RAP1GAP2: variants seen among roughly 807,000 people sequenced by gnomAD.
The protein encoded by RAP1GAP2 is rap1 GTPase-activating protein 2.
In RAP1GAP2, 27 loss-of-function variants were observed where a neutral mutation model predicts 95.0. That is an observed-to-expected ratio of 0.28 (90% CI 0.21 to 0.39). The LOEUF (loss-of-function observed/expected upper bound fraction) is 0.39. Ranked by LOEUF, RAP1GAP2 falls within the 10% of genes least tolerant of loss-of-function variation. RAP1GAP2 has a pLI of 1.00. For missense variants in RAP1GAP2, 771 were observed against 970.0 expected, an observed-to-expected ratio of 0.79 and a Z score of 2.72; for synonymous variants, 373 against 380.9, an observed-to-expected ratio of 0.98 and a Z score of 0.24.
chr17:2,850,157 C>G (rs1336749559), intron 2 of RAP1GAP2, among the ~76,000 whole-genome samples: 1 of 151,568 alleles, frequency 6.6e-6, no homozygotes, highest in Non-Finnish European at 1.5e-5. Context: ...CCCGCCACCA[C>G]GCCCGGCTAA....
intron 3 of RAP1GAP2, among the ~76,000 whole-genome samples, chr17:2,921,169 T>G (rs558473778): frequency 6.6e-6 from 1 of 152,240 alleles, no homozygotes; most frequent in African/African-American, 2.4e-5. Context: ...ACTTGATGGG[T>G]TGAAATAAAA....
intron 8 of RAP1GAP2, among the ~76,000 whole-genome samples, chr17:2,974,597 A>AT (rs5818884): frequency 2.3e-3 from 340 of 149,986 alleles, no homozygotes; most frequent in Middle Eastern, 6.9e-3. Flanking sequence ...AAAAAGTGGG[A>AT]TTTTTTTTTT....
rs1397136158 is a variant in RAP1GAP2, at chr17:3,035,694, TC to T, written c.*2335del. 2 of 152,332 alleles carry T rather than the reference TC, an allele frequency of 1.3e-5. No homozygotes were observed. The highest frequency in any genetic ancestry group is 2.9e-5 in the Non-Finnish European group (2 of 68,158). 9.4% of individuals were successfully genotyped at this position (152,332 alleles called of 1,614,324 possible). ...TCCTGTGGCTTCCAGAGTGTGCACT[TC>T]CAGCCCACCCGGGCAGTGCTGAGAG... On this transcript the variant is annotated 3_prime_UTR_variant, in exon 25 of 25. Coordinates refer to ENST00000254695, the MANE Select transcript of RAP1GAP2 (RefSeq NM_015085.5). This position sits in a 1 kb window ranked among gnomAD's most constrained non-coding sequence, Gnocchi z 4.3.
At chr17:2,839,092 C>G (rs1386946943) in intron 2 of RAP1GAP2, among the ~76,000 whole-genome samples, 3 of 152,028 alleles carry the variant, frequency 2.0e-5, no homozygotes, top group Non-Finnish European at 4.4e-5. Context: ...CACTTAAGGT[C>G]AGAAGTTTGA....
At chr17:2,804,637 C>T (rs2069438777) in intron 2 of RAP1GAP2, among the ~76,000 whole-genome samples, 1 of 152,208 alleles carries the variant, frequency 6.6e-6, no homozygotes, top group African/African-American at 2.4e-5. Flanking sequence ...TTTGCTGGGG[C>T]CCATCCCCTT....
intron 19 of RAP1GAP2, 30 bp from the exon 20 acceptor site, chr17:3,025,978 C>T (rs370549143): frequency 9.2e-5 from 140 of 1,524,070 alleles, no homozygotes; most frequent in African/African-American, 2.3e-4. Context: ...GCTGTCTCCG[C>T]GGCCTCACTC....
In RAP1GAP2 at chr17:2,848,846, C is replaced by G. The variant is rs1029310033; in HGVS notation, c.80+48296C>G. ...CACTTTTCAAAAATAGAAACTGCTT[C>G]CCGACCTCAGATGACTTCAATCTTT... On this transcript the variant is annotated intron_variant, in intron 2 of 24. Transcript: ENST00000254695. 2.6e-5 allele frequency among the ~76,000 whole-genome samples: 4 copies of G among 152,142 alleles called. No homozygotes were observed. The East Asian group carries it at 7.7e-4, about 29-fold the overall frequency.
chr17:2,876,850 G>T (rs1438805571), intron 2 of RAP1GAP2, among the ~76,000 whole-genome samples: 1 of 151,138 alleles, frequency 6.6e-6, no homozygotes, highest in African/African-American at 2.4e-5. Flanking sequence ...TCATCAGTTG[G>T]TTGGGGGCCT....
intron 2 of RAP1GAP2, among the ~76,000 whole-genome samples, chr17:2,858,691 A>G (rs1455877143): frequency 2.6e-5 from 4 of 152,114 alleles, no homozygotes; most frequent in Non-Finnish European, 1.5e-5. Context: ...GAGGATCACC[A>G]CTGGAGCCCA....
At chr17:2,890,892 G>T (rs2073690764) in intron 2 of RAP1GAP2, among the ~76,000 whole-genome samples, 1 of 151,502 alleles carries the variant, frequency 6.6e-6, no homozygotes, top group Non-Finnish European at 1.5e-5. Flanking sequence ...CACTGTGTTA[G>T]TCAGGATGGT....
intron 2 of RAP1GAP2, among the ~76,000 whole-genome samples, chr17:2,800,835 T>TTTTC (rs139546870): frequency 3.6e-5 from 5 of 139,076 alleles, no homozygotes; most frequent in East Asian, 2.1e-4. Context: ...TTCTTTTTCT[T>TTTTC]TTTCTTTCTT....
chr17:2,888,504 G>A (rs1479575942), intron 2 of RAP1GAP2, among the ~76,000 whole-genome samples: 1 of 152,096 alleles, frequency 6.6e-6, no homozygotes, highest in Non-Finnish European at 1.5e-5. Flanking sequence ...ACGTTTGCAT[G>A]AGAACCCACA....
chr17:2,913,440 C>T (rs948121287), intron 3 of RAP1GAP2, among the ~76,000 whole-genome samples: 2 of 152,012 alleles, frequency 1.3e-5, no homozygotes, highest in South Asian at 2.1e-4. Flanking sequence ...AGGCACACGC[C>T]ACCATGCCCA....
intron 3 of RAP1GAP2, among the ~76,000 whole-genome samples, chr17:2,950,061 C>CTTCTTCTTCTTCTTCTTTT (rs1555575129): frequency 7.1e-6 from 1 of 141,260 alleles, no homozygotes; most frequent in African/African-American, 2.7e-5. Flanking sequence ...TCTTCTTCTT[C>CTTCTTCTTCTTCTTCTTTT]TTTTTTTTTT....
intron 2 of RAP1GAP2, among the ~76,000 whole-genome samples, chr17:2,889,863 GTATATATA>G (rs748546441): frequency 1.0e-4 from 8 of 79,862 alleles, no homozygotes; most frequent in Admixed American, 3.4e-4. Flanking sequence ...TTATGTGTGT[GTATATATA>G]TATATATATA....
intron 3 of RAP1GAP2, among the ~76,000 whole-genome samples, chr17:2,943,678 CAA>C (rs59361947): frequency 1.3e-5 from 2 of 151,756 alleles, no homozygotes; most frequent in Non-Finnish European, 2.9e-5. Context: ...AACAAACAAA[CAA>C]AAAAAAACAA....
At chr17:2,957,958 G>A (rs117292330) in intron 4 of RAP1GAP2, among the ~76,000 whole-genome samples, 164 bp downstream of exon 4, 2,657 of 152,244 alleles carry the variant, frequency 0.017, 40 homozygotes, top group Middle Eastern at 0.034. Context: ...CCATTTTGCT[G>A]TTGAGGGGTA....
chr17:2,931,280 TTGTGTGTGTGTGTGTG>T (rs34690298), intron 3 of RAP1GAP2, among the ~76,000 whole-genome samples: 1 of 146,666 alleles, frequency 6.8e-6, no homozygotes, highest in Non-Finnish European at 1.5e-5. Flanking sequence ...TGAGTGTTTC[TTGTGTGTGTGTGTGTG>T]TGTGTGTGTG....
chr17:2,831,618 T>C (rs2070856908), intron 2 of RAP1GAP2, among the ~76,000 whole-genome samples: 2 of 151,572 alleles, frequency 1.3e-5, no homozygotes, highest in African/African-American at 2.4e-5. Context: ...TGGCTGTGCA[T>C]GGTGGCTCAT....
Sources: gnomAD v4.1 joint callset for allele counts (sites outside exome capture counted in the v4.1 genomes callset) on GRCh38, gnomAD v4.1.1 for gene constraint, Gnocchi (gnomAD v3.1) non-coding constraint, MANE v1.5 for transcripts, NCBI Gene and HGNC (gene_info 2026-07-23, HGNC 2026-07-21) for gene names.